SRMS: variants seen among roughly 807,000 people sequenced by gnomAD.
The protein encoded by SRMS is src-related kinase lacking C-terminal regulatory tyrosine and N-terminal myristylation sites.
In SRMS, 42 loss-of-function variants were observed where a neutral mutation model predicts 43.5. That is an observed-to-expected ratio of 0.97 (90% confidence interval 0.75 to 1.25). The LOEUF is 1.25. Ranked by LOEUF, SRMS falls within the 50% of genes most tolerant of loss-of-function variation. The pLI is 0.00. For synonymous variants in SRMS, 316 were observed against 308.2 expected, an observed-to-expected ratio of 1.03 and a Z score of -0.27; for missense variants, 703 against 681.0, an observed-to-expected ratio of 1.03 and a Z score of -0.36.
rs760001711 is a variant in SRMS, at chr20:63,540,933, C to T, written c.1352G>A (p.Cys451Tyr). ...CATGAGCACGTAGACCTCCGCCGGG[C>T]AGGCAGCCGGGCGCGGCAGCCGGTA... ...RGYRLPRPAA[C>Y]PAEVYVLMLE... is the part of the protein sequence containing the mutation. The change falls in exon 8 of 8, where the codon TGC becomes TAC. Residue 451 changes from cysteine to tyrosine, a missense_variant. Transcript: ENST00000217188. 4 of 1,607,134 alleles carry T rather than the reference C, an allele frequency of 2.5e-6. No homozygotes were observed. Among genetic ancestry groups the T allele is most frequent in the Non-Finnish European group, 3.4e-6 (4 of 1,179,556 alleles).
rs545367364 is a variant in SRMS at position 63,539,312 on chromosome 20, C to T, written c.*1506G>A. On this transcript the variant is annotated 3_prime_UTR_variant, in exon 8 of 8. Coordinates refer to ENST00000217188, the MANE Select transcript of SRMS (RefSeq NM_080823.4). ...CCCCGCGCTGCCTCCGTTCTCGGAG[C>T]CTCCGAGTGGCCTCTTCCTTCCCCG... Among the ~76,000 whole-genome samples the T allele has an allele frequency of 6.6e-6, 1 of 152,248 alleles. No homozygotes were observed. Among genetic ancestry groups the T allele is most frequent in the Non-Finnish European group, 1.5e-5 (1 of 68,028 alleles).
rs145583392 is a variant in SRMS at position 63,544,246 on chromosome 20, G to A, written c.459C>T (p.Leu153=). ...AGGTACCTGACAGTGAGTAGCCCCC[G>A]AGGCTGCTCTCGCTGGGCCGGATGA... ...AFLIRPSESS[L]GGYSLSVRAQ... The change falls in exon 2 of 8, where the codon CTC becomes CTT. Residue 153 remains leucine (L), a synonymous_variant. Coordinates refer to ENST00000217188, the MANE Select transcript of SRMS (RefSeq NM_080823.4). The A allele has an allele frequency of 2.1e-5, 31 of 1,469,542 alleles. No individual in the cohort carries two copies. Among genetic ancestry groups the A allele is most frequent in the Admixed American group, 2.7e-5 (1 of 36,866 alleles). The allele number at this position is 1,469,542 out of a possible 1,614,324, so 91.0% of individuals were successfully genotyped here. A position where few individuals can be genotyped will look rare whatever the true frequency, so the allele number is the denominator to read the frequency against.
chr20:63,546,702 G>A (rs1055038767), intron 1 of SRMS, among the ~76,000 whole-genome samples: 1 of 151,432 alleles, frequency 6.6e-6, no homozygotes, highest in Non-Finnish European at 1.5e-5. Flanking sequence ...TGGAGCTCCT[G>A]TCATCTGGTG....
chr20:63,541,125 C>G, intron 7 of SRMS, 66 bp downstream of exon 7: 1 of 1,555,262 alleles, frequency 6.4e-7, no homozygotes, highest in African/African-American at 1.4e-5. Flanking sequence ...CCGACAGCGT[C>G]CAGGCCCGGG....
intron 1 of SRMS, among the ~76,000 whole-genome samples, chr20:63,546,108 G>A (rs993443762): frequency 2.0e-5 from 3 of 152,128 alleles, no homozygotes; most frequent in Non-Finnish European, 2.9e-5. Context: ...GCTCCACCAC[G>A]AGCCCTGCCC....
chr20:63,544,192 T>A, intron 2 of SRMS, 35 bp downstream of exon 2: 1 of 1,415,326 alleles, frequency 7.1e-7, no homozygotes, highest in Non-Finnish European at 9.2e-7. Context: ...ACTGACCTGG[T>A]GGGGGACAGA....
rs310653 is a variant in SRMS at position 63,540,203 on chromosome 20, T to C, written c.*615A>G. Among the ~76,000 whole-genome samples, 95,830 of 152,186 alleles carry C rather than the reference T, an allele frequency of 0.63. 33,492 individuals carry two copies. The highest frequency in any genetic ancestry group is 1 in the East Asian group (5,158 of 5,178). ...AGTGGGTTTGTGCACAGGCCGCCAG[T>C]GTGTCTGTGAGGGGCAGGTGACGGT... On this transcript the variant is annotated 3_prime_UTR_variant, in exon 8 of 8. Transcript: ENST00000217188.
At chr20:63,541,148 T>C (rs1213325545) in intron 7 of SRMS, 43 bp downstream of exon 7, 1 of 1,550,408 alleles carries the variant, frequency 6.4e-7, no homozygotes, top group Non-Finnish European at 8.7e-7. Context: ...CAGTGACTCC[T>C]GGGCAGAGCC....
chr20:63,544,003 T>C (rs1206242396), intron 2 of SRMS, among the ~76,000 whole-genome samples: 1 of 152,228 alleles, frequency 6.6e-6, no homozygotes, highest in Non-Finnish European at 1.5e-5. Flanking sequence ...GAGGAATGAA[T>C]GAACAAGTGA....
chr20:63,547,490 A>AGGGCCATGGGAGCCCGC lies in SRMS; in HGVS notation c.-44_-28dup. ...CCCCGGGGTCACCACGCTGGGCCCG[A>AGGGCCATGGGAGCCCGC]GGGCCATGGGAGCCCGCGAGCCCGG... is the stretch of plus-strand genomic sequence containing the variant. On this transcript the variant is annotated 5_prime_UTR_variant, in exon 1 of 8. It adds an upstream start codon to the 5' untranslated region. Coordinates refer to ENST00000217188, the MANE Select transcript of SRMS (RefSeq NM_080823.4). 1.4e-6 allele frequency: 2 copies of AGGGCCATGGGAGCCCGC among 1,453,958 alleles called. No homozygotes were observed. Among genetic ancestry groups the AGGGCCATGGGAGCCCGC allele is most frequent in the Non-Finnish European group, 1.8e-6 (2 of 1,100,252 alleles). The allele number at this position is 1,453,958 out of a possible 1,614,324, so 90.1% of individuals were successfully genotyped here.
intron 1 of SRMS, among the ~76,000 whole-genome samples, chr20:63,545,513 G>A (rs1456894191): frequency 3.9e-5 from 6 of 152,160 alleles, no homozygotes; most frequent in Non-Finnish European, 8.8e-5. Flanking sequence ...CACAAGATTC[G>A]GGGCTGGGGC....
At chr20:63,544,173 T>G in intron 2 of SRMS, 54 bp downstream of exon 2, 1 of 1,386,494 alleles carries the variant, frequency 7.2e-7, no homozygotes, top group Non-Finnish European at 9.3e-7. Flanking sequence ...CACCCCAAGG[T>G]CAAGGGCCAC....
In SRMS at chr20:63,547,351, G is replaced by C; in HGVS notation, c.113C>G (p.Thr38Ser). ...GGCGGGGAGCGTGGGCACTGGGTCA[G>C]TGTTGGGGTCCAGGGACCCGGGGGT... ...HGTPGSLDPN[T>S]DPVPTLPAEP... The change falls in exon 1 of 8, where the codon ACT (threonine) becomes AGT (serine). Residue 38 changes from threonine to serine, a missense_variant. Coordinates refer to ENST00000217188, the MANE Select transcript of SRMS (RefSeq NM_080823.4). 6.3e-7 allele frequency: 1 copy of C among 1,588,440 alleles called. No homozygotes were observed. Among genetic ancestry groups the C allele is most frequent in the East Asian group, 2.3e-5 (1 of 43,480 alleles).
In SRMS at chr20:63,547,145, C is replaced by A. The variant is rs140812771; in HGVS notation, c.319G>T (p.Val107Leu). 19 of 1,605,828 alleles carry A rather than the reference C, an allele frequency of 1.2e-5. No homozygotes were observed. In the Admixed American group the frequency reaches 1.5e-4, roughly 13 times the overall value. ...AGCGTCTCAGGAGAAGCCTTGGCCACGTGGGTGATGGGCACGAGCCCGGCG... is the reference window on the plus strand; with the variant it reads ...AGCGTCTCAGGAGAAGCCTTGGCCAAGTGGGTGATGGGCACGAGCCCGGCG... ...PSAGLVPITH[V>L]AKASPETLSD... The change falls in exon 1 of 8, where the codon GTG becomes TTG. Residue 107 changes from valine to leucine, a missense_variant. By Grantham distance (32) the Val-to-Leu change is conservative. Coordinates refer to ENST00000217188, the MANE Select transcript of SRMS (RefSeq NM_080823.4).
intron 3 of SRMS, 145 bp from the exon 4 acceptor site, chr20:63,542,726 T>C: frequency 1.8e-6 from 2 of 1,122,466 alleles, no homozygotes; most frequent in South Asian, 1.7e-5. Context: ...GGGGAGTGGG[T>C]GCCAGGCTTG....
Position 63,539,580 on chromosome 20 carries a change from G to C in SRMS, c.*1238C>G, listed in dbSNP as rs2082691265. On this transcript the variant is annotated 3_prime_UTR_variant, in exon 8 of 8. Coordinates refer to ENST00000217188, the MANE Select transcript of SRMS (RefSeq NM_080823.4). ...GGAGGGTGGGGGGCAGGGTCTCCGG[G>C]GGCCACAAACAGACCCCACCGGCCC... Among the ~76,000 whole-genome samples, 2 of 152,142 alleles carry C rather than the reference G, an allele frequency of 1.3e-5. No individual in the cohort carries two copies. Among genetic ancestry groups the C allele is most frequent in the Non-Finnish European group, 2.9e-5 (2 of 68,024 alleles).
chr20:63,544,633 C>T (rs1227506847), intron 1 of SRMS, among the ~76,000 whole-genome samples: 3 of 152,110 alleles, frequency 2.0e-5, no homozygotes, highest in Non-Finnish European at 4.4e-5. Flanking sequence ...CCGCCAGCCC[C>T]AGCCACAGGT....
chr20:63,542,507 G>A lies in SRMS; in HGVS notation c.720C>T (p.Tyr240=), dbSNP rs754262344. Residue 240 remains tyrosine, a synonymous_variant, in exon 4 of 8, where the codon TAC becomes TAT. Transcript: ENST00000217188. ...ACAGGCCTTCCCACACCTCCCCAAA[G>A]TAGCCTTCACCCAGCTTCCTCCCAA... ...FALGRKLGEG[Y]FGEVWEGLWL... The A allele has an allele frequency of 6.2e-7, 1 of 1,612,630 alleles. No homozygotes were observed. Among genetic ancestry groups the A allele is most frequent in the East Asian group, 2.2e-5 (1 of 44,860 alleles).
chr20:63,538,641 C>G lies in SRMS; in HGVS notation c.*2177G>C, dbSNP rs892490089. On this transcript the variant is annotated 3_prime_UTR_variant, in exon 8 of 8. Coordinates refer to ENST00000217188, the MANE Select transcript of SRMS (RefSeq NM_080823.4). ...CGCTGACCAAGGTGGGGAGGGGCAG[C>G]GGGGTGCCGGCCTGGGCAGTGTCCC... is the stretch of plus-strand genomic sequence containing the variant. 1.4e-5 allele frequency among the ~76,000 whole-genome samples: 2 copies of G among 140,934 alleles called. No individual in the cohort carries two copies. The highest frequency in any genetic ancestry group is 5.3e-5 in the African/African-American group (2 of 37,820). The allele number at this position is 140,934 out of a possible 152,430, so 92.5% of individuals were successfully genotyped here. A position where few individuals can be genotyped will look rare whatever the true frequency, so the allele number is the denominator to read the frequency against.
Sources: gnomAD v4.1 joint callset for allele counts (sites outside exome capture counted in the v4.1 genomes callset) on GRCh38, gnomAD v4.1.1 for gene constraint, MANE v1.5 for transcripts, NCBI Gene and HGNC (gene_info 2026-07-23, HGNC 2026-07-21) for gene names.